Variants in AMN1 observed in about 807,000 individuals in gnomAD.
AMN1 encodes protein AMN1 homolog.
AMN1 carries 20 observed loss-of-function variants against 33.0 expected under a neutral mutation model. The ratio of observed to expected loss-of-function variants is 0.61; its 90% confidence interval spans 0.43 to 0.88. The LOEUF is 0.88. Among genes scored for constraint, AMN1 ranks in the 40% least tolerant of loss-of-function variants. AMN1 has a pLI of 0.00. For missense variants in AMN1, 246 were observed against 307.4 expected (o/e 0.80, Z 1.49); for synonymous variants, 114 against 111.9 (o/e 1.02, Z -0.12).
Position 31,687,280 on chromosome 12 carries a change from C to T in AMN1, c.703+1727G>A, listed in dbSNP as rs1938305881. 1.3e-5 allele frequency among the ~76,000 whole-genome samples: 2 copies of T among 152,200 alleles called. No individual in the cohort carries two copies. The highest frequency in any genetic ancestry group is 4.1e-4 in the South Asian group (2 of 4,832). ...ACCCAGATACAATCTATGGTTACAG[C>T]CTTGGTTAAGGCTGGCAACCTAAAA... On this transcript the variant is annotated intron_variant, in intron 6 of 6. Transcript: ENST00000281471. The surrounding 1 kb of genome is among the most constrained non-coding windows in gnomAD (Gnocchi z 4.1).
At chr12:31,723,510 C>T (rs1041005773) in intron 1 of AMN1, among the ~76,000 whole-genome samples, 1 of 152,134 alleles carries the variant, frequency 6.6e-6, no homozygotes, top group Non-Finnish European at 1.5e-5. Flanking sequence ...CAGGGTTTCA[C>T]CATGTTAGCC....
chr12:31,678,786 A>T (rs1937860541), intron 6 of AMN1, among the ~76,000 whole-genome samples: 1 of 152,218 alleles, frequency 6.6e-6, no homozygotes, highest in African/African-American at 2.4e-5. Flanking sequence ...CAGTGAAAAA[A>T]GTATGGCTGA....
At chr12:31,725,538 GCTT>G (rs1940029144) in intron 1 of AMN1, among the ~76,000 whole-genome samples, 1 of 152,158 alleles carries the variant, frequency 6.6e-6, no homozygotes, top group Non-Finnish European at 1.5e-5. Context: ...AACATGGACT[GCTT>G]CTAATGTAAG....
rs117792541 is a variant in AMN1 at position 31,681,251 on chromosome 12, G to A, written c.703+7756C>T. On this transcript the variant is annotated intron_variant, in intron 6 of 6. Transcript: ENST00000281471. Reference sequence around the variant, plus strand: ...TATTTTTATTTATTTTTTTTGAGACGAAGTTTCGCTCTTGTTGCTCAGGCT... The same window carrying A: ...TATTTTTATTTATTTTTTTTGAGACAAAGTTTCGCTCTTGTTGCTCAGGCT... 5.6e-3 allele frequency among the ~76,000 whole-genome samples: 855 copies of A among 151,766 alleles called. 3 individuals are homozygous for A. Among genetic ancestry groups the A allele is most frequent in the South Asian group, 0.014 (68 of 4,814 alleles).
intron 1 of AMN1, among the ~76,000 whole-genome samples, chr12:31,727,955 A>G (rs374290218): frequency 1.3e-5 from 2 of 151,686 alleles, no homozygotes; most frequent in African/African-American, 2.4e-5. Context: ...CTGGTCTCCA[A>G]CTCTCCTGAT....
chr12:31,718,316 A>G (rs1939753703), intron 1 of AMN1, among the ~76,000 whole-genome samples: 1 of 151,824 alleles, frequency 6.6e-6, no homozygotes, highest in Non-Finnish European at 1.5e-5. Flanking sequence ...AGTTCCTGTA[A>G]CCTTTTATCA....
At chr12:31,718,937 C>G (rs7135242) in intron 1 of AMN1, among the ~76,000 whole-genome samples, 4 of 152,256 alleles carry the variant, frequency 2.6e-5, no homozygotes, top group African/African-American at 7.2e-5. Context: ...CATCCCAGGT[C>G]GATCTCAGAC....
chr12:31,697,512 C>T, intron 4 of AMN1, 95 bp from the exon 5 acceptor site: 1 of 1,235,166 alleles, frequency 8.1e-7, no homozygotes, highest in Non-Finnish European at 1.2e-6. Flanking sequence ...AGTCTTAATG[C>T]CTCCCATTCA....
At position 31,689,013 on chromosome 12, in the gene AMN1, T is replaced by C; in HGVS notation, c.697A>G (p.Ile233Val). ...RILLFHGCPL[I>V]TDHSREVLEQ... ...AGCAATCTATTGCACTAACCTGTTA[T>C]CAAGGGGCATCCATGGAAGAGTAAT... Residue 233 changes from isoleucine (I) to valine (V), a missense_variant, in exon 6 of 7, where the codon ATA (isoleucine) becomes GTA (valine). Transcript: ENST00000281471. 6.2e-7 allele frequency: 1 copy of C among 1,609,126 alleles called. No homozygotes were observed. The highest frequency in any genetic ancestry group is 8.5e-7 in the Non-Finnish European group (1 of 1,176,398).
chr12:31,728,438 C>G (rs1364569052), intron 1 of AMN1, among the ~76,000 whole-genome samples: 1 of 152,160 alleles, frequency 6.6e-6, no homozygotes, highest in Non-Finnish European at 1.5e-5. Flanking sequence ...GATAAAGAAC[C>G]TAGGCACAGG....
intron 6 of AMN1, among the ~76,000 whole-genome samples, chr12:31,681,366 T>C (rs992349772): frequency 6.6e-6 from 1 of 152,034 alleles, no homozygotes; most frequent in African/African-American, 2.4e-5. Context: ...GTAGCTGGAA[T>C]TACAGGCATA....
chr12:31,697,902 T>C lies in AMN1; in HGVS notation c.372A>G (p.Arg124=), dbSNP rs1216198149. The change falls in exon 4 of 7, where the codon AGA becomes AGG. Residue 124 remains arginine (R), a synonymous_variant. Coordinates refer to ENST00000281471, the MANE Select transcript of AMN1 (RefSeq NM_001113402.2). The part of the protein sequence containing the change: ...CSYLHEASLK[R]CCNLTDEGVV... ...CTCCTTCGTCAGTGAGATTGCAGCA[T>C]CTTTTCAAAGAAGCTTCGTGTAGGT... 1 of 1,614,026 alleles carries C rather than the reference T, an allele frequency of 6.2e-7. No homozygotes were observed. The highest frequency in any genetic ancestry group is 8.5e-7 in the Non-Finnish European group (1 of 1,179,888).
At position 31,671,428 on chromosome 12, in the gene AMN1, C is replaced by CA. The variant is rs1228940062; in HGVS notation, c.*875dup. 3 of 152,232 alleles carry CA rather than the reference C, an allele frequency of 2.0e-5. No individual in the cohort carries two copies. The East Asian group carries it at 5.8e-4, about 29-fold the overall frequency. The allele number at this position is 152,232 out of a possible 1,614,324, so 9.4% of individuals were successfully genotyped here. A position where few individuals can be genotyped will look rare whatever the true frequency, so the allele number is the denominator to read the frequency against. On this transcript the variant is annotated 3_prime_UTR_variant, in exon 7 of 7. Transcript: ENST00000281471. ...TTTTAAGAAAATCTCAAGACTGGCT[C>CA]ATGGCAAAATGAATATGCTAAATTT...
intron 6 of AMN1, among the ~76,000 whole-genome samples, chr12:31,682,924 A>G (rs149733824): frequency 1.3e-5 from 2 of 152,046 alleles, no homozygotes; most frequent in East Asian, 3.9e-4. Flanking sequence ...TGGCAGCCAC[A>G]CAAAAATATA....
At chr12:31,699,395 CAAAAAAA>C (rs34860207) in intron 3 of AMN1, among the ~76,000 whole-genome samples, 3,083 of 36,816 alleles carry the variant, frequency 0.084, 53 homozygotes, top group South Asian at 0.21. Context: ...GACTCTGTCT[CAAAAAAA>C]AAAAAAAAAA....
chr12:31,680,294 G>A (rs112895731), intron 6 of AMN1, among the ~76,000 whole-genome samples: 5,032 of 151,562 alleles, frequency 0.033, 279 homozygotes, highest in African/African-American at 0.12. Context: ...TCCGCCTCCC[G>A]GGTTCAAGCA....
intron 6 of AMN1, among the ~76,000 whole-genome samples, chr12:31,682,847 G>A (rs1938084293): frequency 1.3e-5 from 2 of 152,008 alleles, no homozygotes; most frequent in African/African-American, 4.8e-5. Flanking sequence ...TGATCTTCCA[G>A]ATCAAAAATA....
In AMN1 at chr12:31,710,166, T is replaced by C. The variant is rs552653318; in HGVS notation, c.39-741A>G. Reference sequence around the variant, plus strand: ...GAGAAAGAACCATAACCACAAAGATTCAGCAAATATTACAAATCACAGAGA... The same window carrying C: ...GAGAAAGAACCATAACCACAAAGATCCAGCAAATATTACAAATCACAGAGA... On this transcript the variant is annotated intron_variant, in intron 1 of 6. Transcript: ENST00000281471. 2.0e-5 allele frequency among the ~76,000 whole-genome samples: 3 copies of C among 152,252 alleles called. No homozygotes were observed. In the South Asian group the frequency reaches 6.2e-4, roughly 32 times the overall value.
At chr12:31,688,309 T>C (rs1178099560) in intron 6 of AMN1, among the ~76,000 whole-genome samples, 2 of 152,242 alleles carry the variant, frequency 1.3e-5, no homozygotes, top group Non-Finnish European at 2.9e-5. Context: ...TTAGTGTATT[T>C]GATAGATGTA....
Sources: gnomAD v4.1 joint callset for allele counts (sites outside exome capture counted in the v4.1 genomes callset) on GRCh38, gnomAD v4.1.1 for gene constraint, Gnocchi (gnomAD v3.1) non-coding constraint, MANE v1.5 for transcripts, NCBI Gene and HGNC (gene_info 2026-07-23, HGNC 2026-07-21) for gene names.